Variants in RELN observed in about 807,000 individuals in gnomAD.
The protein encoded by RELN is reelin.
A neutral mutation model predicts 427.6 loss-of-function variants in RELN; 108 were observed. That is an observed-to-expected ratio of 0.25 (90% CI 0.22 to 0.30). RELN has a LOEUF of 0.30. Among genes scored for constraint, RELN ranks in the 10% least tolerant of loss-of-function variants. The pLI is 1.00. For synonymous variants in RELN, 1,524 were observed against 1,513.4 expected, an observed-to-expected ratio of 1.01 and a Z score of -0.16; for missense variants, 3,715 against 4,302.8, an observed-to-expected ratio of 0.86 and a Z score of 3.82.
At chr7:103,629,507 G>A (rs574087915) in intron 20 of RELN, among the ~76,000 whole-genome samples, 2 of 152,266 alleles carry the variant, frequency 1.3e-5, no homozygotes, top group South Asian at 2.1e-4. Flanking sequence ...CATGAAAACA[G>A]AGCTACTCAT....
chr7:103,712,599 G>A (rs1391935880), intron 8 of RELN, among the ~76,000 whole-genome samples: 2 of 152,154 alleles, frequency 1.3e-5, no homozygotes, highest in Admixed American at 6.5e-5. Context: ...GCAGTGAAAT[G>A]CATGATAATT....
chr7:103,940,350 G>A (rs1796085584), intron 1 of RELN, among the ~76,000 whole-genome samples: 1 of 152,146 alleles, frequency 6.6e-6, no homozygotes, highest in Non-Finnish European at 1.5e-5. Flanking sequence ...AGGCTGTATG[G>A]TCCGTTATTA....
chr7:103,575,820 G>GACTT, intron 28 of RELN, 115 bp from the exon 29 acceptor site: 3 of 1,172,156 alleles, frequency 2.6e-6, no homozygotes, highest in East Asian at 2.4e-5. Flanking sequence ...TGAAAGTCAT[G>GACTT]TCTGCTTGAC....
chr7:103,577,617 C>T (rs568981844), intron 28 of RELN, among the ~76,000 whole-genome samples: 5 of 150,918 alleles, frequency 3.3e-5, no homozygotes, highest in Non-Finnish European at 5.9e-5. Flanking sequence ...AAAATTCCTT[C>T]CCTTGGAGCT....
chr7:103,964,105 G>A (rs1584405467), intron 1 of RELN, among the ~76,000 whole-genome samples: 1 of 152,100 alleles, frequency 6.6e-6, no homozygotes, highest in East Asian at 1.9e-4. Context: ...GCTGCAGTGA[G>A]CTATAACTGC....
chr7:103,727,660 G>A (rs1478332716), intron 7 of RELN, among the ~76,000 whole-genome samples: 2 of 152,152 alleles, frequency 1.3e-5, no homozygotes, highest in African/African-American at 2.4e-5. Flanking sequence ...GCTCTTTCAT[G>A]TAAAGAAAAA....
rs368158466 is a variant in RELN at position 103,980,161 on chromosome 7, C to CA, written c.226+8969dup. ...GACAACAAGAGCGAAACTCTGTCTC[C>CA]AAAAAAAAAAAAAAATTCTTAATAA... is the stretch of plus-strand genomic sequence containing the variant. On this transcript the variant is annotated intron_variant, in intron 1 of 64. Coordinates refer to ENST00000428762, the MANE Select transcript of RELN (RefSeq NM_005045.4). Among the ~76,000 whole-genome samples the CA allele has an allele frequency of 9.8e-3, 864 of 88,462 alleles. 3 individuals carry two copies. Among genetic ancestry groups the CA allele is most frequent in the South Asian group, 0.026 (79 of 3,012 alleles). The allele number at this position is 88,462 out of a possible 152,430, so 58.0% of individuals were successfully genotyped here.
At position 103,769,763 on chromosome 7, in the gene RELN, G is replaced by C. The variant is rs77507876; in HGVS notation, c.544+6794C>G. 7.6e-3 allele frequency among the ~76,000 whole-genome samples: 1,160 copies of C among 152,246 alleles called. 12 individuals are homozygous for C. The highest frequency in any genetic ancestry group is 0.026 in the African/African-American group (1,075 of 41,546). ...TCACAGAACATCAACTTCAGACAAG[G>C]CTACTCTGTGACCGTGATGAATCAA... On this transcript the variant is annotated intron_variant, in intron 4 of 64. Transcript: ENST00000428762.
chr7:103,590,603 T>C (rs180895510), intron 27 of RELN, among the ~76,000 whole-genome samples: 2 of 142,002 alleles, frequency 1.4e-5, no homozygotes, highest in African/African-American at 5.4e-5. Context: ...TAAATAAATA[T>C]AAAATAAAAT....
chr7:103,660,820 C>G (rs1833124549), intron 12 of RELN, among the ~76,000 whole-genome samples: 1 of 152,118 alleles, frequency 6.6e-6, no homozygotes. Context: ...CCTTCTAACT[C>G]CTTTTTGGGT....
intron 4 of RELN, among the ~76,000 whole-genome samples, chr7:103,776,275 A>C (rs1383421560): frequency 6.6e-6 from 1 of 152,240 alleles, no homozygotes; most frequent in African/African-American, 2.4e-5. Context: ...GTAGAATTTA[A>C]AAATTACTAC....
At chr7:103,809,007 C>T (rs1201241873) in intron 3 of RELN, among the ~76,000 whole-genome samples, 1 of 152,078 alleles carries the variant, frequency 6.6e-6, no homozygotes, top group Non-Finnish European at 1.5e-5. Flanking sequence ...ATTCCAGGTT[C>T]CTGAGATCAA....
At chr7:103,741,313 A>C (rs999112237) in intron 6 of RELN, among the ~76,000 whole-genome samples, 3 of 151,970 alleles carry the variant, frequency 2.0e-5, no homozygotes, top group Non-Finnish European at 4.4e-5. Context: ...CTAACACCTT[A>C]TTTTTCCCTC....
intron 28 of RELN, among the ~76,000 whole-genome samples, chr7:103,581,195 C>G (rs1831122344): frequency 6.6e-6 from 1 of 152,142 alleles, no homozygotes; most frequent in Non-Finnish European, 1.5e-5. Context: ...TTGGAATGTT[C>G]TTGTCCTGGA....
At chr7:103,566,798 T>C (rs1584302287) in intron 31 of RELN, 39 bp from the exon 32 acceptor site, 1 of 1,589,752 alleles carries the variant, frequency 6.3e-7, no homozygotes. Flanking sequence ...TTGGACACTT[T>C]CCTAGAGGGG....
At chr7:103,740,479 T>A (rs1790614310) in intron 6 of RELN, among the ~76,000 whole-genome samples, 1 of 152,236 alleles carries the variant, frequency 6.6e-6, no homozygotes, top group South Asian at 2.1e-4. Context: ...TTTGAAATAT[T>A]CAAACTGAAC....
At chr7:103,848,006 G>A (rs1793722886) in intron 2 of RELN, among the ~76,000 whole-genome samples, 1 of 152,202 alleles carries the variant, frequency 6.6e-6, no homozygotes, top group Non-Finnish European at 1.5e-5. Context: ...ACCTGGAGCT[G>A]TTTGTATATG....
rs551150211 is a variant in RELN at position 103,803,141 on chromosome 7, C to A, written c.474-26514G>T. ...AATAAGCTCCTTTCTTCCCCTAAAA[C>A]CCTGTCCAGCTTAATGATTGCAAGA... is the stretch of plus-strand genomic sequence containing the variant. On this transcript the variant is annotated intron_variant, in intron 3 of 64. Coordinates refer to ENST00000428762, the MANE Select transcript of RELN (RefSeq NM_005045.4). 2.0e-5 allele frequency among the ~76,000 whole-genome samples: 3 copies of A among 152,180 alleles called. No individual in the cohort carries two copies. The South Asian group carries it at 6.2e-4, about 32-fold the overall frequency.
chr7:103,942,555 T>C (rs1419164033), intron 1 of RELN, among the ~76,000 whole-genome samples: 2 of 152,166 alleles, frequency 1.3e-5, no homozygotes, highest in African/African-American at 4.8e-5. Context: ...AGAAGCAGAA[T>C]TCCCGGCAGA....
Sources: gnomAD v4.1 joint callset for allele counts (sites outside exome capture counted in the v4.1 genomes callset) on GRCh38, gnomAD v4.1.1 for gene constraint, MANE v1.5 for transcripts, NCBI Gene and HGNC (gene_info 2026-07-23, HGNC 2026-07-21) for gene names.